WDR74: variants seen among roughly 807,000 people sequenced by gnomAD.
WDR74 encodes the protein WD repeat-containing protein 74.
WDR74 carries 31 observed loss-of-function variants against 45.6 expected under a neutral mutation model. The observed-to-expected ratio is 0.68, with a 90% confidence interval of 0.51 to 0.92. The LOEUF (loss-of-function observed/expected upper bound fraction) is 0.92, where lower values mean the gene tolerates loss of function less well. WDR74 is among the 40% of genes least tolerant of loss of function. The probability of loss-of-function intolerance (pLI) is 0.00; values close to 1 mark genes in which losing one functional copy is unlikely to be tolerated. For synonymous variants in WDR74, 191 were observed against 192.4 expected (o/e 0.99, Z 0.06); for missense variants, 455 against 497.2 (o/e 0.92, Z 0.81).
chr11:62,834,770 C>T (rs1034295029), intron 6 of WDR74: 12 of 512,678 alleles, frequency 2.3e-5, no homozygotes, highest in Admixed American at 1.4e-4. Flanking sequence ...AGCATTCCAT[C>T]CCCCCATACT....
chr11:62,834,197 C>A, intron 8 of WDR74, 79 bp downstream of exon 8: 1 of 1,596,888 alleles, frequency 6.3e-7, no homozygotes, highest in Non-Finnish European at 8.6e-7. Context: ...CCTCACTGGC[C>A]CCACTGCACC....
Position 62,834,320 on chromosome 11 carries a change from A to G in WDR74, c.731T>C (p.Val244Ala). ...TGCCAGCTGCCCATGAGTGTTTCCCACAATCACTGAGCTGAGGATGAGACC... is the reference window on the plus strand; with the variant it reads ...TGCCAGCTGCCCATGAGTGTTTCCCGCAATCACTGAGCTGAGGATGAGACC... The part of the protein sequence containing the change: ...TLTPGGNSVI[V>A]GNTHGQLAEI... Residue 244 changes from valine to alanine, a missense_variant, in exon 8 of 11, where the codon GTG (valine) becomes GCG (alanine). By Grantham distance (64) the Val-to-Ala change is moderately conservative. Transcript: ENST00000278856. The G allele has an allele frequency of 1.9e-6, 3 of 1,613,848 alleles. No individual in the cohort carries two copies. The highest frequency in any genetic ancestry group is 2.2e-5 in the South Asian group (2 of 91,074).
chr11:62,841,747 C>G (rs889459275), upstream of WDR74: 1 of 152,144 alleles, frequency 6.6e-6, no homozygotes, highest in African/African-American at 2.4e-5. Flanking sequence ...GAGGACGTAT[C>G]AGATATTAAA....
Position 62,834,269 on chromosome 11 carries a change from C to T in WDR74, c.775+7G>A, listed in dbSNP as rs1475548595. On this transcript the variant is annotated splice_region_variant and intron_variant, in intron 8 of 10. Transcript: ENST00000278856. The stretch of plus-strand genomic sequence containing the variant: ...TCCTTTCCCCCAATGTACCCTAGTC[C>T]ACTCACCTTGCCGAAGGTCAATTTC... 1.2e-6 allele frequency: 2 copies of T among 1,613,916 alleles called. No homozygotes were observed. Among genetic ancestry groups the T allele is most frequent in the East Asian group, 2.2e-5 (1 of 44,872 alleles).
chr11:62,834,725 C>G (rs2084933461), intron 6 of WDR74, 198 bp from the exon 7 acceptor site: 2 of 578,068 alleles, frequency 3.5e-6, no homozygotes, highest in Non-Finnish European at 6.1e-6. Flanking sequence ...ATGGACAGAG[C>G]TGAGGGGAGA....
rs750466721 is a variant in WDR74, at chr11:62,832,994, C to G, written c.1116G>C (p.Thr372=). 6.2e-7 allele frequency: 1 copy of G among 1,610,352 alleles called. No individual in the cohort carries two copies. The highest frequency in any genetic ancestry group is 8.5e-7 in the Non-Finnish European group (1 of 1,178,608). ...CAGGCCGCTTCTTCTTTCTCCGTCT[C>G]GTTTGGAGAGCTCCTTGGGGCTGCT... The part of the protein sequence containing the change: ...GLEQPQGALQ[T]RRRKKKRPGS... Residue 372 remains threonine, a synonymous_variant, in exon 11 of 11, where the codon ACG becomes ACC. Coordinates refer to ENST00000278856, the MANE Select transcript of WDR74 (RefSeq NM_001369450.1).
rs781413855 is a variant in WDR74, at chr11:62,835,529, G to T, written c.520C>A (p.Arg174=). ...ACCCGCAAGTCCAGCCAGTCATTCC[G>T]CACCTGGTGGGGTGGGCAGATGGAG... ...EEPVFRAKNV[R]NDWLDLRVPI... is the part of the protein sequence containing the mutation. The change falls in exon 6 of 11, where the codon CGG becomes AGG. Residue 174 remains arginine, a synonymous_variant. Transcript: ENST00000278856. 1 of 1,613,776 alleles carries T rather than the reference G, an allele frequency of 6.2e-7. No homozygotes were observed. Among genetic ancestry groups the T allele is most frequent in the African/African-American group, 1.3e-5 (1 of 74,886 alleles).
At chr11:62,839,452 C>T (rs1318014792) in intron 1 of WDR74, 24 bp from the exon 2 acceptor site, 1 of 1,613,588 alleles carries the variant, frequency 6.2e-7, no homozygotes. Context: ...GCGTCAGTCA[C>T]GCCAGGGGCG....
chr11:62,841,514 G>C (rs145437172), upstream of WDR74: 8 of 152,012 alleles, frequency 5.3e-5, no homozygotes, highest in Non-Finnish European at 1.0e-4. Flanking sequence ...ACACACTAGC[G>C]ATAAAAACAC....
chr11:62,838,588 G>A (rs1333587733), intron 3 of WDR74, among the ~76,000 whole-genome samples: 2 of 151,738 alleles, frequency 1.3e-5, no homozygotes, highest in South Asian at 2.1e-4. Flanking sequence ...GTGAAACCCC[G>A]TCTCTACTAA....
At position 62,835,785 on chromosome 11, in the gene WDR74, G is replaced by A. The variant is rs374834955; in HGVS notation, c.426C>T (p.His142=). ...GVCRMRQDPA[H]PHVVATGGKE... ...TCCCACCTGTGGCAACCACATGGGGGTGTGCTGGGTCTTGGCGCATCCTAC... is the reference window on the plus strand; with the variant it reads ...TCCCACCTGTGGCAACCACATGGGGATGTGCTGGGTCTTGGCGCATCCTAC... Residue 142 remains histidine, a synonymous_variant, in exon 5 of 11, where the codon CAC becomes CAT. Coordinates refer to ENST00000278856, the MANE Select transcript of WDR74 (RefSeq NM_001369450.1). 5.5e-5 allele frequency: 88 copies of A among 1,613,646 alleles called. No individual in the cohort carries two copies. The highest frequency in any genetic ancestry group is 1.6e-4 in the Middle Eastern group (1 of 6,084).
At chr11:62,839,926 G>T (rs1456062024), upstream of WDR74, 5 of 236,002 alleles carry the variant, frequency 2.1e-5, no homozygotes, top group Admixed American at 2.2e-4. Context: ...CTTTAGAAAC[G>T]ATTCAAATCA....
At chr11:62,841,743 G>C (rs1029555359), upstream of WDR74, 6 of 152,164 alleles carry the variant, frequency 3.9e-5, no homozygotes, top group Admixed American at 6.5e-5. Context: ...GATAGAGGAC[G>C]TATCAGATAT....
Position 62,839,544 on chromosome 11 carries a change from G to C in WDR74, c.27C>G (p.Asn9Lys). The C allele has an allele frequency of 1.2e-6, 2 of 1,612,992 alleles. No homozygotes were observed. The highest frequency in any genetic ancestry group is 8.5e-7 in the Non-Finnish European group (1 of 1,179,544). MAAAAARW[N>K]HVWVGTETGI... is the part of the protein sequence containing the mutation. ...CAGTCTCGGTGCCGACCCACACATGGTTCCAGCGTGCAGCAGCAGCCGCCA... is the reference window on the plus strand; with the variant it reads ...CAGTCTCGGTGCCGACCCACACATGCTTCCAGCGTGCAGCAGCAGCCGCCA... Residue 9 changes from asparagine to lysine, a missense_variant, in exon 1 of 11, where the codon AAC becomes AAG. Transcript: ENST00000278856.
intron 10 of WDR74, 58 bp from the exon 11 acceptor site, chr11:62,833,189 T>C: frequency 1.3e-6 from 2 of 1,560,562 alleles, no homozygotes; most frequent in East Asian, 2.3e-5. Context: ...GGCTCCCACC[T>C]GTAATCTCAG....
chr11:62,837,155 C>T (rs2084970580), intron 3 of WDR74, among the ~76,000 whole-genome samples: 3 of 152,124 alleles, frequency 2.0e-5, no homozygotes, highest in East Asian at 1.9e-4. Flanking sequence ...ACTTAAAGCC[C>T]TTTACATTTA....
At chr11:62,836,218 C>T (rs973235189) in intron 3 of WDR74, 182 bp from the exon 4 acceptor site, 1 of 615,278 alleles carries the variant, frequency 1.6e-6, no homozygotes, top group Non-Finnish European at 2.8e-6. Flanking sequence ...TAGAAGGAAG[C>T]CTCTAGGTCA....
At chr11:62,833,967 C>A (rs777498454) in intron 8 of WDR74, 30 bp from the exon 9 acceptor site, 2 of 1,607,722 alleles carry the variant, frequency 1.2e-6, no homozygotes, top group African/African-American at 2.7e-5. Flanking sequence ...TCCGTGATAA[C>A]TGGCTGGCCA....
upstream of WDR74, among the ~76,000 whole-genome samples, chr11:62,840,742 A>G (rs1368888713): frequency 6.6e-6 from 1 of 152,140 alleles, no homozygotes; most frequent in African/African-American, 2.4e-5. Context: ...ACCAGGCCTG[A>G]TTCACTTTTC....
Sources: allele counts gnomAD v4.1 joint callset (sites outside exome capture counted in the v4.1 genomes callset), GRCh38; gene constraint gnomAD v4.1.1; transcripts MANE v1.5; gene names NCBI Gene and HGNC (gene_info 2026-07-23, HGNC 2026-07-21).